The following CNTNAP2 variants were observed in gnomAD, a reference collection of about 807,000 sequenced individuals.
The protein encoded by CNTNAP2 is contactin-associated protein-like 2.
A neutral mutation model predicts 155.2 loss-of-function variants in CNTNAP2; 98 were observed. The observed-to-expected ratio is 0.63, with a 90% CI of 0.54 to 0.75. The LOEUF (loss-of-function observed/expected upper bound fraction) is 0.75, where lower values mean the gene tolerates loss of function less well. Among genes scored for constraint, CNTNAP2 ranks in the 30% least tolerant of loss-of-function variants. The pLI, the probability that CNTNAP2 is intolerant of heterozygous loss-of-function variation, is 0.00. For synonymous variants in CNTNAP2, 651 were observed against 631.2 expected (o/e 1.03, Z -0.47); for missense variants, 1,727 against 1,688.1 (o/e 1.02, Z -0.40).
chr7:147,914,681 C>G (rs1229059571), intron 14 of CNTNAP2, among the ~76,000 whole-genome samples: 2 of 152,164 alleles, frequency 1.3e-5, no homozygotes, highest in Admixed American at 6.5e-5. Flanking sequence ...CCCACTTCAG[C>G]TGGGACTATA....
At chr7:147,299,484 A>C (rs1333948716) in intron 8 of CNTNAP2, among the ~76,000 whole-genome samples, 2 of 151,874 alleles carry the variant, frequency 1.3e-5, no homozygotes, top group African/African-American at 2.4e-5. Context: ...CTTATTTGTA[A>C]ATGTTCAGAT....
At chr7:146,424,727 G>A (rs527788343) in intron 1 of CNTNAP2, among the ~76,000 whole-genome samples, 2 of 152,184 alleles carry the variant, frequency 1.3e-5, no homozygotes, top group Admixed American at 6.5e-5. Context: ...TCCATTCTAA[G>A]AATAACAGTC....
chr7:147,587,558 A>G (rs1417939188), intron 12 of CNTNAP2, among the ~76,000 whole-genome samples: 2 of 152,134 alleles, frequency 1.3e-5, no homozygotes, highest in Non-Finnish European at 2.9e-5. Flanking sequence ...CTCAATTGTA[A>G]CACTAGACTG....
intron 3 of CNTNAP2, among the ~76,000 whole-genome samples, chr7:146,945,342 A>G (rs897412466): frequency 1.3e-5 from 2 of 152,224 alleles, no homozygotes; most frequent in African/African-American, 4.8e-5. Flanking sequence ...TTTTTGTAAC[A>G]GATTCTGAGG....
intron 17 of CNTNAP2, among the ~76,000 whole-genome samples, chr7:148,164,416 A>G (rs1010320024): frequency 9.2e-5 from 14 of 152,188 alleles, no homozygotes; most frequent in African/African-American, 3.1e-4. Flanking sequence ...CTGCCATGCC[A>G]GAGAGCCAAG....
chr7:147,439,401 CTT>C (rs1178887849), intron 10 of CNTNAP2, among the ~76,000 whole-genome samples: 2 of 151,762 alleles, frequency 1.3e-5, no homozygotes, highest in Non-Finnish European at 2.9e-5. Flanking sequence ...CAAAATTGCT[CTT>C]GTCATTAATT....
chr7:147,731,185 A>G (rs1228165056), intron 13 of CNTNAP2, among the ~76,000 whole-genome samples: 1 of 152,206 alleles, frequency 6.6e-6, no homozygotes, highest in East Asian at 1.9e-4. Flanking sequence ...AGGCAGCTAT[A>G]CTAAACAACA....
intron 9 of CNTNAP2, among the ~76,000 whole-genome samples, chr7:147,356,464 G>T (rs573839545): frequency 6.6e-6 from 1 of 152,216 alleles, no homozygotes; most frequent in East Asian, 1.9e-4. Context: ...AATAGCAGGT[G>T]TTCCAGTAAG....
At chr7:146,534,984 T>TAC (rs1797824759) in intron 1 of CNTNAP2, among the ~76,000 whole-genome samples, 1 of 141,286 alleles carries the variant, frequency 7.1e-6, no homozygotes, top group South Asian at 2.2e-4. Flanking sequence ...ATAGTTAATG[T>TAC]ACACACACGC....
intron 3 of CNTNAP2, among the ~76,000 whole-genome samples, chr7:146,863,384 G>A (rs1488642504): frequency 1.3e-5 from 2 of 152,054 alleles, no homozygotes; most frequent in Non-Finnish European, 2.9e-5. Flanking sequence ...GAGATGAAGA[G>A]TTATCAATAG....
intron 3 of CNTNAP2, among the ~76,000 whole-genome samples, chr7:147,042,517 T>C (rs2129254733): frequency 6.6e-6 from 1 of 152,294 alleles, no homozygotes; most frequent in South Asian, 2.1e-4. Flanking sequence ...CTTAAGCCAG[T>C]GCTTTCAATT....
chr7:148,174,521 T>C (rs1437195085), intron 18 of CNTNAP2, among the ~76,000 whole-genome samples: 1 of 152,216 alleles, frequency 6.6e-6, no homozygotes, highest in Non-Finnish European at 1.5e-5. Context: ...TTCTCTGGCC[T>C]TCCTTTGGGA....
chr7:147,943,232 C>T (rs1800757278), intron 14 of CNTNAP2, among the ~76,000 whole-genome samples: 3 of 152,170 alleles, frequency 2.0e-5, no homozygotes, highest in African/African-American at 7.2e-5. Context: ...TCAAAACTTG[C>T]TGATGGTAGA....
At chr7:148,055,656 A>T (rs1802993085) in intron 15 of CNTNAP2, among the ~76,000 whole-genome samples, 1 of 152,234 alleles carries the variant, frequency 6.6e-6, no homozygotes, top group African/African-American at 2.4e-5. Context: ...GATAAATGGT[A>T]GTCCTGTTTT....
intron 11 of CNTNAP2, among the ~76,000 whole-genome samples, chr7:147,549,866 A>G (rs1278015908): frequency 6.6e-6 from 1 of 152,192 alleles, no homozygotes; most frequent in Non-Finnish European, 1.5e-5. Context: ...TATTTATTTA[A>G]ATAACACACG....
intron 3 of CNTNAP2, among the ~76,000 whole-genome samples, chr7:146,855,535 G>A (rs1794957147): frequency 6.6e-6 from 1 of 151,922 alleles, no homozygotes. Context: ...ACATGGGGTG[G>A]ATTTGCTGGA....
intron 1 of CNTNAP2, among the ~76,000 whole-genome samples, chr7:146,120,621 C>T (rs1357484234): frequency 6.6e-6 from 1 of 152,056 alleles, no homozygotes; most frequent in Non-Finnish European, 1.5e-5. Context: ...CATTTCAGTT[C>T]AATGATGGAC....
At chr7:148,330,558 T>C (rs1182669341) in intron 21 of CNTNAP2, among the ~76,000 whole-genome samples, 1 of 129,836 alleles carries the variant, frequency 7.7e-6, no homozygotes, top group Non-Finnish European at 1.6e-5. Context: ...CACGGATGGA[T>C]AGAGTGGATG....
intron 1 of CNTNAP2, among the ~76,000 whole-genome samples, chr7:146,726,770 C>T (rs143327896): frequency 7.2e-5 from 11 of 152,060 alleles, no homozygotes; most frequent in Admixed American, 7.2e-4. Context: ...TTACAGTTTA[C>T]TAATCTATAA....
Sources: gnomAD v4.1 joint callset for allele counts (sites outside exome capture counted in the v4.1 genomes callset) on GRCh38, gnomAD v4.1.1 for gene constraint, MANE v1.5 for transcripts, NCBI Gene and HGNC (gene_info 2026-07-23, HGNC 2026-07-21) for gene names.